AGPAT4: variants seen among roughly 807,000 people sequenced by gnomAD.
AGPAT4 encodes 1-acylglycerol-3-phosphate O-acyltransferase 4, also known as 1-acyl-sn-glycerol-3-phosphate acyltransferase delta.
Under a neutral mutation model 48.0 loss-of-function variants are expected in AGPAT4, and 15 were observed. The ratio of observed to expected loss-of-function variants is 0.31; its 90% CI spans 0.21 to 0.48. The LOEUF is 0.48. Among genes scored for constraint, AGPAT4 ranks in the 20% least tolerant of loss-of-function variants. The probability of loss-of-function intolerance (pLI) is 0.99; values close to 1 mark genes in which losing one functional copy is unlikely to be tolerated. For synonymous variants in AGPAT4, 178 were observed against 198.7 expected, an observed-to-expected ratio of 0.90 and a Z score of 0.88; for missense variants, 314 against 482.5, an observed-to-expected ratio of 0.65 and a Z score of 3.27.
rs920811384 is a variant in AGPAT4, at chr6:161,266,611, A to G, written c.-90+7327T>C. ...GAAATGGTTCCTATGCAGGCTACCC[A>G]CACAAAAGGCCGAAGAATCTGCTCA... On this transcript the variant is annotated intron_variant, in intron 1 of 8. Coordinates refer to ENST00000320285, the MANE Select transcript of AGPAT4 (RefSeq NM_020133.3). This position sits in a 1 kb window ranked among gnomAD's most constrained non-coding sequence, Gnocchi z 6.2. Among the ~76,000 whole-genome samples the G allele has an allele frequency of 1.3e-5, 2 of 152,152 alleles. No homozygotes were observed. Among genetic ancestry groups the G allele is most frequent in the African/African-American group, 2.4e-5 (1 of 41,418 alleles).
In AGPAT4 at chr6:161,136,139, C is replaced by G. The variant is rs531244392; in HGVS notation, c.*401G>C. ...TAATTTAGTCATCTCACCTAAAGCA[C>G]TTTTCACTTTATCTCTGGCAACCAA... On this transcript the variant is annotated 3_prime_UTR_variant, in exon 9 of 9. Coordinates refer to ENST00000320285, the MANE Select transcript of AGPAT4 (RefSeq NM_020133.3). 65 of 195,468 alleles carry G rather than the reference C, an allele frequency of 3.3e-4. No homozygotes were observed. In the South Asian group the frequency reaches 3.9e-3, roughly 12 times the overall value. 12.1% of individuals were successfully genotyped at this position (195,468 alleles called of 1,614,324 possible).
chr6:161,213,640 T>G (rs1271982501), intron 2 of AGPAT4, among the ~76,000 whole-genome samples: 1 of 152,196 alleles, frequency 6.6e-6, no homozygotes, highest in East Asian at 1.9e-4. Context: ...ACAATCTATT[T>G]ACATACATAA....
chr6:161,174,551 G>A lies in AGPAT4; in HGVS notation c.179-8134C>T, dbSNP rs1780374137. 3.3e-5 allele frequency among the ~76,000 whole-genome samples: 5 copies of A among 152,298 alleles called. No homozygotes were observed. In the South Asian group the frequency reaches 1.0e-3, roughly 32 times the overall value. On this transcript the variant is annotated intron_variant, in intron 2 of 8. Coordinates refer to ENST00000320285, the MANE Select transcript of AGPAT4 (RefSeq NM_020133.3). ...TCAGCTTAAGGAGATTTTGGGCTGA[G>A]ATGATGGGGTTTTCTAAATATACAA...
chr6:161,238,695 G>A lies in AGPAT4; in HGVS notation c.-89-6393C>T, dbSNP rs566858631. On this transcript the variant is annotated intron_variant, in intron 1 of 8. Transcript: ENST00000320285. This position sits in a 1 kb window ranked among gnomAD's most constrained non-coding sequence, Gnocchi z 5.2. ...CTCCACCCAAATCTTACCTTGAATT[G>A]TAGTTCCCATAATCTCCACATGTCG... Among the ~76,000 whole-genome samples the A allele has an allele frequency of 2.0e-5, 3 of 152,174 alleles. No individual in the cohort carries two copies. Among genetic ancestry groups the A allele is most frequent in the African/African-American group, 7.2e-5 (3 of 41,440 alleles).
chr6:161,263,227 T>C (rs1783156387), intron 1 of AGPAT4, among the ~76,000 whole-genome samples: 1 of 152,130 alleles, frequency 6.6e-6, no homozygotes, highest in African/African-American at 2.4e-5. Flanking sequence ...TAGAAGCTGC[T>C]GAAGACCAGG....
chr6:161,255,347 G>A lies in AGPAT4; in HGVS notation c.-90+18591C>T, dbSNP rs919863588. On this transcript the variant is annotated intron_variant, in intron 1 of 8. Coordinates refer to ENST00000320285, the MANE Select transcript of AGPAT4 (RefSeq NM_020133.3). This position sits in a 1 kb window ranked among gnomAD's most constrained non-coding sequence, Gnocchi z 4.7. ...TCTTCTGATGTTAGAATTACCATAT[G>A]ACCCAGAAACTCTACTCCTAGGAAT... 1.9e-4 allele frequency among the ~76,000 whole-genome samples: 29 copies of A among 152,154 alleles called. No homozygotes were observed. The highest frequency in any genetic ancestry group is 6.3e-4 in the African/African-American group (26 of 41,446).
intron 2 of AGPAT4, among the ~76,000 whole-genome samples, chr6:161,174,362 A>G (rs1425037851): frequency 6.6e-6 from 1 of 152,144 alleles, no homozygotes; most frequent in Non-Finnish European, 1.5e-5. Context: ...GGGCCTTCAC[A>G]TCCCTTGTAA....
chr6:161,142,397 G>T lies in AGPAT4; in HGVS notation c.844-2777C>A, dbSNP rs1779283098. Among the ~76,000 whole-genome samples the T allele has an allele frequency of 6.6e-6, 1 of 152,140 alleles. No homozygotes were observed. On this transcript the variant is annotated intron_variant, in intron 7 of 8. Coordinates refer to ENST00000320285, the MANE Select transcript of AGPAT4 (RefSeq NM_020133.3). This position sits in a 1 kb window ranked among gnomAD's most constrained non-coding sequence, Gnocchi z 6.4. ...AAGGACTCGTGTTTTTTGTTTTTGT[G>T]TGTTACCGTGTGGCATAGTATAAAG...
chr6:161,246,859 C>T lies in AGPAT4; in HGVS notation c.-89-14557G>A, dbSNP rs1042385493. 6.6e-6 allele frequency among the ~76,000 whole-genome samples: 1 copy of T among 152,198 alleles called. No individual in the cohort carries two copies. The highest frequency in any genetic ancestry group is 1.5e-5 in the Non-Finnish European group (1 of 68,040). On this transcript the variant is annotated intron_variant, in intron 1 of 8. Transcript: ENST00000320285. This position sits in a 1 kb window ranked among gnomAD's most constrained non-coding sequence, Gnocchi z 5.5. ...AGATGACCTAACATAATTTAATTTT[C>T]ATAGTGGTAACACTGAACTGTCAAA...
rs373619509 is a variant in AGPAT4, at chr6:161,235,926, A to G, written c.-89-3624T>C. ...TTGGGCAGGGACACAGATACAAACC[A>G]TATCAGCTTCTTTCCCATCTTGAAT... On this transcript the variant is annotated intron_variant, in intron 1 of 8. Transcript: ENST00000320285. This position sits in a 1 kb window ranked among gnomAD's most constrained non-coding sequence, Gnocchi z 6.2. Among the ~76,000 whole-genome samples, 1 of 152,204 alleles carries G rather than the reference A, an allele frequency of 6.6e-6. No homozygotes were observed. Among genetic ancestry groups the G allele is most frequent in the African/African-American group, 2.4e-5 (1 of 41,448 alleles).
rs1783379663 is a variant in AGPAT4, at chr6:161,270,094, T to C, written c.-90+3844A>G. ...TATTCAGTCATTAGAAGAAAATGGG[T>C]ATCTGCCAGTCATGGGGTTTCCCTT... is the stretch of plus-strand genomic sequence containing the variant. On this transcript the variant is annotated intron_variant, in intron 1 of 8. Coordinates refer to ENST00000320285, the MANE Select transcript of AGPAT4 (RefSeq NM_020133.3). This position sits in a 1 kb window ranked among gnomAD's most constrained non-coding sequence, Gnocchi z 5.3. 6.6e-6 allele frequency among the ~76,000 whole-genome samples: 1 copy of C among 152,200 alleles called. No individual in the cohort carries two copies.
At chr6:161,257,351 C>T (rs1782970522) in intron 1 of AGPAT4, among the ~76,000 whole-genome samples, 1 of 152,112 alleles carries the variant, frequency 6.6e-6, no homozygotes, top group Non-Finnish European at 1.5e-5. Context: ...AATTATCCCA[C>T]TCATAGGCAA....
Position 161,196,786 on chromosome 6 carries a change from G to T in AGPAT4, c.179-30369C>A, listed in dbSNP as rs111822525. 6.7e-6 allele frequency among the ~76,000 whole-genome samples: 1 copy of T among 148,232 alleles called. No homozygotes were observed. The highest frequency in any genetic ancestry group is 2.5e-5 in the African/African-American group (1 of 39,810). On this transcript the variant is annotated intron_variant, in intron 2 of 8. Transcript: ENST00000320285. The surrounding 1 kb of genome is among the most constrained non-coding windows in gnomAD (Gnocchi z 4.3). ...ATCGTGCTACTGTACTCCAGCCTAG[G>T]CAACAGAGAAAGACTCTATCTCCCC...
Position 161,138,921 on chromosome 6 carries a change from T to G in AGPAT4, c.1042+501A>C, listed in dbSNP as rs950472864. ...CAGTAGCCCGAGAATACCGGTCACC[T>G]GGAGCCAGCGCAGACCCATGAAAAG... On this transcript the variant is annotated intron_variant, in intron 8 of 8. Coordinates refer to ENST00000320285, the MANE Select transcript of AGPAT4 (RefSeq NM_020133.3). This position sits in a 1 kb window ranked among gnomAD's most constrained non-coding sequence, Gnocchi z 4.8. 1.6e-4 allele frequency among the ~76,000 whole-genome samples: 25 copies of G among 151,882 alleles called. No homozygotes were observed. The highest frequency in any genetic ancestry group is 6.6e-4 in the Admixed American group (10 of 15,244).
In AGPAT4 at chr6:161,261,341, C is replaced by T. The variant is rs541738736; in HGVS notation, c.-90+12597G>A. On this transcript the variant is annotated intron_variant, in intron 1 of 8. Transcript: ENST00000320285. This position sits in a 1 kb window ranked among gnomAD's most constrained non-coding sequence, Gnocchi z 5.3. ...CACATGACGTTGACAAGTGCTATTT[C>T]CCTTCGTGTGTATATCTGCCATCCC... Among the ~76,000 whole-genome samples, 8 of 152,332 alleles carry T rather than the reference C, an allele frequency of 5.3e-5. No individual in the cohort carries two copies. The East Asian group carries it at 5.8e-4, about 11-fold the overall frequency.
At chr6:161,167,619 AT>A (rs1389961544) in intron 2 of AGPAT4, among the ~76,000 whole-genome samples, 6 of 151,998 alleles carry the variant, frequency 3.9e-5, no homozygotes, top group African/African-American at 1.5e-4. Flanking sequence ...AGGCAGGTGG[AT>A]TTGGCCTTGA....
rs1012741874 is a variant in AGPAT4 at position 161,130,997 on chromosome 6, G to A, written c.*5543C>T. On this transcript the variant is annotated 3_prime_UTR_variant, in exon 9 of 9. Coordinates refer to ENST00000320285, the MANE Select transcript of AGPAT4 (RefSeq NM_020133.3). ...ATAGAAAAGGAAAAGTGACATTTGT[G>A]TAATTTATTTTGGAAATGCAAAGGA... 3 of 471,772 alleles carry A rather than the reference G, an allele frequency of 6.4e-6. No individual in the cohort carries two copies. The highest frequency in any genetic ancestry group is 1.3e-5 in the Non-Finnish European group (3 of 229,628). 29.2% of individuals were successfully genotyped at this position (471,772 alleles called of 1,614,324 possible).
chr6:161,239,625 T>C (rs560030717), intron 1 of AGPAT4, among the ~76,000 whole-genome samples: 2 of 152,354 alleles, frequency 1.3e-5, no homozygotes, highest in East Asian at 3.9e-4. Flanking sequence ...TTTAGCATTG[T>C]CATTAAAATC....
chr6:161,133,157 A>C lies in AGPAT4; in HGVS notation c.*3383T>G, dbSNP rs1379225893. On this transcript the variant is annotated 3_prime_UTR_variant, in exon 9 of 9. Transcript: ENST00000320285. ...GGTCAATATTTATGAATAAGTTCTAAAGCCTATGCGAAGCCCATTCTGTTT... is the reference window on the plus strand; with the variant it reads ...GGTCAATATTTATGAATAAGTTCTACAGCCTATGCGAAGCCCATTCTGTTT... 6.6e-6 allele frequency: 1 copy of C among 152,178 alleles called. No individual in the cohort carries two copies. The highest frequency in any genetic ancestry group is 2.4e-5 in the African/African-American group (1 of 41,432). 9.4% of individuals were successfully genotyped at this position (152,178 alleles called of 1,614,324 possible).
Sources: allele counts gnomAD v4.1 joint callset (sites outside exome capture counted in the v4.1 genomes callset), GRCh38; gene constraint gnomAD v4.1.1; non-coding constraint Gnocchi (gnomAD v3.1); transcripts MANE v1.5; gene names NCBI Gene and HGNC (gene_info 2026-07-23, HGNC 2026-07-21).